The following C1QTNF3 variants were observed in gnomAD, a reference collection of about 807,000 sequenced individuals.
C1QTNF3 encodes C1q and TNF related 3.
C1QTNF3 carries 26 observed loss-of-function variants against 32.6 expected under a neutral mutation model. The ratio of observed to expected loss-of-function variants is 0.80; its 90% confidence interval spans 0.58 to 1.11. The LOEUF (loss-of-function observed/expected upper bound fraction) is 1.11. Ranked by LOEUF, C1QTNF3 falls within the 50% of genes least tolerant of loss-of-function variation. The probability of loss-of-function intolerance (pLI) is 0.00; values close to 1 mark genes in which losing one functional copy is unlikely to be tolerated. For synonymous variants in C1QTNF3, 155 were observed against 146.0 expected, an observed-to-expected ratio of 1.06 and a Z score of -0.44; for missense variants, 362 against 398.2, an observed-to-expected ratio of 0.91 and a Z score of 0.77.
At chr5:34,023,147 G>A (rs111542746) in intron 5 of C1QTNF3, among the ~76,000 whole-genome samples, 2,589 of 152,160 alleles carry the variant, frequency 0.017, 85 homozygotes, top group African/African-American at 0.06. Context: ...GAGCCACCGC[G>A]CCTGGCTCAA....
the C1QTNF3 span, among the ~76,000 whole-genome samples, chr5:34,069,561 A>G: frequency 6.6e-6 from 1 of 152,186 alleles, no homozygotes. Context: ...CTATGACATG[A>G]CATTTCTCTC....
At chr5:34,087,289 T>C in the C1QTNF3 span, among the ~76,000 whole-genome samples, 6 of 150,948 alleles carry the variant, frequency 4.0e-5, no homozygotes, top group Admixed American at 3.3e-4. Context: ...AGTAAGATTA[T>C]GTAACTCAAA....
At chr5:34,033,171 G>A (rs1754657219) in intron 3 of C1QTNF3, 133 bp downstream of exon 3, 1 of 962,002 alleles carries the variant, frequency 1.0e-6, no homozygotes, top group African/African-American at 1.7e-5. Context: ...CTGTGATGTA[G>A]ATGAACAAAC....
At chr5:34,169,852 A>C in the C1QTNF3 span, among the ~76,000 whole-genome samples, 1 of 152,180 alleles carries the variant, frequency 6.6e-6, no homozygotes, top group African/African-American at 2.4e-5. Flanking sequence ...TGATACAGCA[A>C]CTAAGAAAAC....
At chr5:34,240,320 C>T in the C1QTNF3 span, among the ~76,000 whole-genome samples, 5 of 150,250 alleles carry the variant, frequency 3.3e-5, no homozygotes, top group Non-Finnish European at 7.4e-5. Flanking sequence ...AAAAATCCTA[C>T]AAAAGATTAA....
At chr5:34,204,060 A>G in the C1QTNF3 span, among the ~76,000 whole-genome samples, 1 of 152,216 alleles carries the variant, frequency 6.6e-6, no homozygotes, top group Non-Finnish European at 1.5e-5. Flanking sequence ...ATAGACAGCA[A>G]TACGGTAATA....
At chr5:34,129,054 C>T in the C1QTNF3 span, among the ~76,000 whole-genome samples, 2 of 152,050 alleles carry the variant, frequency 1.3e-5, no homozygotes, top group African/African-American at 4.8e-5. Context: ...TGGGGGCACA[C>T]TTCCCCTTTT....
the C1QTNF3 span, among the ~76,000 whole-genome samples, chr5:34,244,429 A>C: frequency 6.6e-6 from 1 of 152,206 alleles, no homozygotes; most frequent in African/African-American, 2.4e-5. Flanking sequence ...TGGCTCTGGC[A>C]GCCGCTTTTC....
chr5:34,205,447 C>T, the C1QTNF3 span, among the ~76,000 whole-genome samples: 1 of 152,134 alleles, frequency 6.6e-6, no homozygotes, highest in Admixed American at 6.6e-5. Flanking sequence ...AGATTTCCTC[C>T]TTGCTGTTCT....
intron 2 of C1QTNF3, 53 bp downstream of exon 2, chr5:34,035,594 C>T: frequency 7.5e-7 from 1 of 1,329,290 alleles, no homozygotes; most frequent in Non-Finnish European, 1.1e-6. Flanking sequence ...CCCTTTGCTC[C>T]TACTTTAGCT....
At chr5:34,117,807 A>C in the C1QTNF3 span, among the ~76,000 whole-genome samples, 3 of 152,100 alleles carry the variant, frequency 2.0e-5, no homozygotes, top group Non-Finnish European at 4.4e-5. Context: ...ATCTGATACA[A>C]GTTCTTCACT....
the C1QTNF3 span, among the ~76,000 whole-genome samples, chr5:34,204,467 T>C: frequency 6.6e-6 from 1 of 152,226 alleles, no homozygotes; most frequent in African/African-American, 2.4e-5. Flanking sequence ...CTGGTCATTA[T>C]TTTAAGTGAA....
the C1QTNF3 span, among the ~76,000 whole-genome samples, chr5:34,058,660 C>T: frequency 6.6e-6 from 1 of 152,128 alleles, no homozygotes; most frequent in Non-Finnish European, 1.5e-5. Flanking sequence ...GGCAGGCAAG[C>T]TCTGAGTTTT....
intron 5 of C1QTNF3, among the ~76,000 whole-genome samples, chr5:34,023,358 C>T (rs1460196737): frequency 6.6e-6 from 1 of 152,186 alleles, no homozygotes; most frequent in African/African-American, 2.4e-5. Context: ...ACAATTTCAC[C>T]TACCCTAACT....
chr5:34,241,546 A>T, the C1QTNF3 span, among the ~76,000 whole-genome samples: 1 of 151,574 alleles, frequency 6.6e-6, no homozygotes, highest in Admixed American at 6.6e-5. Context: ...TACAACACCT[A>T]GGATGAAAAT....
chr5:34,169,094 T>G, the C1QTNF3 span: 4 of 152,126 alleles, frequency 2.6e-5, no homozygotes, highest in Non-Finnish European at 5.9e-5. Context: ...AACAAAGTAC[T>G]CTCTTAGACG....
the C1QTNF3 span, among the ~76,000 whole-genome samples, chr5:34,060,548 A>G: frequency 6.6e-6 from 1 of 152,162 alleles, no homozygotes; most frequent in African/African-American, 2.4e-5. Flanking sequence ...ACTGGGGGCA[A>G]TTTATAAAAG....
At chr5:34,142,206 CA>C in the C1QTNF3 span, among the ~76,000 whole-genome samples, 1 of 152,132 alleles carries the variant, frequency 6.6e-6, no homozygotes, top group African/African-American at 2.4e-5. Flanking sequence ...CCAAGGTGGG[CA>C]GATCACCTGA....
the C1QTNF3 span, among the ~76,000 whole-genome samples, chr5:34,147,916 G>A: frequency 6.6e-6 from 1 of 152,126 alleles, no homozygotes; most frequent in Admixed American, 6.5e-5. Flanking sequence ...CGCAGAAGAC[G>A]GTGATTTCTG....
Sources: allele counts gnomAD v4.1 joint callset (sites outside exome capture counted in the v4.1 genomes callset), GRCh38; gene constraint gnomAD v4.1.1; transcripts MANE v1.5; gene names NCBI Gene and HGNC (gene_info 2026-07-23, HGNC 2026-07-21).